The following CDH12 variants were observed in gnomAD, a reference collection of about 807,000 sequenced individuals.
The protein encoded by CDH12 is cadherin 12.
A neutral mutation model predicts 74.1 loss-of-function variants in CDH12; 41 were observed. The ratio of observed to expected loss-of-function variants is 0.55; its 90% confidence interval spans 0.43 to 0.72. The LOEUF is 0.72. Among genes scored for constraint, CDH12 ranks in the 30% least tolerant of loss-of-function variants. The probability of loss-of-function intolerance (pLI) is 0.00; values close to 1 mark genes in which losing one functional copy is unlikely to be tolerated. For synonymous variants in CDH12, 399 were observed against 355.0 expected, an observed-to-expected ratio of 1.12 and a Z score of -1.39; for missense variants, 945 against 977.2, an observed-to-expected ratio of 0.97 and a Z score of 0.44.
intron 5 of CDH12, among the ~76,000 whole-genome samples, chr5:22,056,946 C>A (rs991510458): frequency 1.3e-5 from 2 of 152,136 alleles, no homozygotes; most frequent in African/African-American, 4.8e-5. Context: ...CAACCAACAT[C>A]TCCCCTAAGA....
intron 3 of CDH12, among the ~76,000 whole-genome samples, chr5:22,344,777 C>A (rs1156398298): frequency 2.6e-5 from 4 of 152,146 alleles, no homozygotes; most frequent in Admixed American, 6.5e-5. Flanking sequence ...TGTACAGATG[C>A]ATCATCAACA....
chr5:22,009,565 C>T (rs1488746414), intron 5 of CDH12, among the ~76,000 whole-genome samples: 1 of 152,174 alleles, frequency 6.6e-6, no homozygotes, highest in Admixed American at 6.5e-5. Context: ...AGGAATGTTA[C>T]TTGTTGATTC....
At chr5:21,914,260 C>T (rs1753990353) in intron 6 of CDH12, among the ~76,000 whole-genome samples, 6 of 152,064 alleles carry the variant, frequency 3.9e-5, no homozygotes, top group Admixed American at 1.3e-4. Flanking sequence ...CTTCTACATG[C>T]AAAGCACTGT....
intron 5 of CDH12, among the ~76,000 whole-genome samples, chr5:22,049,052 C>T (rs1348587473): frequency 6.6e-6 from 1 of 152,044 alleles, no homozygotes; most frequent in Non-Finnish European, 1.5e-5. Context: ...CCTGAATCAT[C>T]TCTAGAGCGA....
At chr5:22,256,333 G>A (rs1280252021) in intron 3 of CDH12, among the ~76,000 whole-genome samples, 1 of 152,096 alleles carries the variant, frequency 6.6e-6, no homozygotes, top group Non-Finnish European at 1.5e-5. Flanking sequence ...ATCACCTAGT[G>A]ACACTGTAGC....
At chr5:22,455,673 T>C (rs1463813648) in intron 2 of CDH12, among the ~76,000 whole-genome samples, 1 of 152,136 alleles carries the variant, frequency 6.6e-6, no homozygotes, top group Admixed American at 6.5e-5. Context: ...AGCACATAGA[T>C]AGCACTTACA....
rs147579584 is a variant in CDH12 at position 22,192,422 on chromosome 5, G to A, written c.-187+20076C>T. On this transcript the variant is annotated intron_variant, in intron 4 of 14. Transcript: ENST00000382254. ...GGCTGGTGGCTGGAAATGAGAGAGC[G>A]TTTTCTGGTGAATGTAATGTCAGGT... Among the ~76,000 whole-genome samples the A allele has an allele frequency of 4.7e-3, 715 of 152,262 alleles. 21 individuals are homozygous for A. In the East Asian group the frequency reaches 0.058, roughly 12 times the overall value.
intron 1 of CDH12, among the ~76,000 whole-genome samples, chr5:22,560,395 T>C (rs1257136083): frequency 1.3e-5 from 2 of 152,136 alleles, no homozygotes; most frequent in African/African-American, 4.8e-5. Flanking sequence ...ATGAGAGTTT[T>C]TAGGCATTCA....
In CDH12 at chr5:22,643,747, TTTTTTTTTTTTTTC is replaced by T. The variant is rs1446179107; in HGVS notation, c.-522-138397_-522-138384del. On this transcript the variant is annotated intron_variant, in intron 1 of 14. Coordinates refer to ENST00000382254, the MANE Select transcript of CDH12 (RefSeq NM_004061.5). ...TTTTAAGGTATCTTTTTTTTTTTTT[TTTTTTTTTTTTTTC>T]CACAAATTGATGGTTTGTGGCAGCC... is the stretch of plus-strand genomic sequence containing the variant. Among the ~76,000 whole-genome samples, 7 of 136,124 alleles carry T rather than the reference TTTTTTTTTTTTTTC, an allele frequency of 5.1e-5. 1 individual carries two copies. Among genetic ancestry groups the T allele is most frequent in the Admixed American group, 1.6e-4 (2 of 12,860 alleles). 89.3% of individuals were successfully genotyped at this position (136,124 alleles called of 152,430 possible).
At chr5:22,594,594 T>A (rs76880480) in intron 1 of CDH12, among the ~76,000 whole-genome samples, 12 of 151,906 alleles carry the variant, frequency 7.9e-5, no homozygotes, top group African/African-American at 2.9e-4. Flanking sequence ...ATTCCTGACA[T>A]AGAGTATAAG....
At chr5:21,787,020 T>G (rs1746233393) in intron 10 of CDH12, among the ~76,000 whole-genome samples, 2 of 152,178 alleles carry the variant, frequency 1.3e-5, no homozygotes, top group Non-Finnish European at 2.9e-5. Flanking sequence ...TTCTTACAGA[T>G]GAGCAAACAA....
chr5:22,689,593 T>C (rs1741977523), intron 1 of CDH12, among the ~76,000 whole-genome samples: 1 of 147,348 alleles, frequency 6.8e-6, no homozygotes, highest in African/African-American at 2.5e-5. Flanking sequence ...TATTCCTATA[T>C]ATTGCAAGAA....
chr5:22,658,916 G>T (rs1007734996), intron 1 of CDH12, among the ~76,000 whole-genome samples: 1 of 152,016 alleles, frequency 6.6e-6, no homozygotes, highest in Non-Finnish European at 1.5e-5. Context: ...CTTATAGGGG[G>T]GGATGTATTT....
chr5:22,533,589 A>C (rs965288508), intron 1 of CDH12, among the ~76,000 whole-genome samples: 1 of 152,150 alleles, frequency 6.6e-6, no homozygotes, highest in Non-Finnish European at 1.5e-5. Flanking sequence ...TAATTCATTA[A>C]AGAAACTTCA....
chr5:21,831,051 CA>C (rs1748991696), intron 8 of CDH12, among the ~76,000 whole-genome samples: 1 of 124,268 alleles, frequency 8.0e-6, no homozygotes, highest in Non-Finnish European at 1.6e-5. Flanking sequence ...AAAAAGAAAA[CA>C]AAAACAAAAA....
intron 3 of CDH12, among the ~76,000 whole-genome samples, chr5:22,239,710 G>A (rs540515935): frequency 3.6e-4 from 55 of 152,218 alleles, no homozygotes; most frequent in Admixed American, 1.4e-3. Context: ...TATTTCAGGT[G>A]GCAACAGTGA....
chr5:22,035,927 T>C (rs1739149565), intron 5 of CDH12, among the ~76,000 whole-genome samples: 1 of 152,194 alleles, frequency 6.6e-6, no homozygotes, highest in African/African-American at 2.4e-5. Context: ...TATGAGACTC[T>C]CTTTGAATCC....
At chr5:22,059,212 C>T (rs141689972) in intron 5 of CDH12, among the ~76,000 whole-genome samples, 54 of 152,054 alleles carry the variant, frequency 3.6e-4, no homozygotes, top group African/African-American at 1.2e-3. Flanking sequence ...TCAACCACTT[C>T]GTATTGTCTG....
At chr5:22,487,774 G>A (rs992027750) in intron 2 of CDH12, among the ~76,000 whole-genome samples, 1 of 152,164 alleles carries the variant, frequency 6.6e-6, no homozygotes, top group Non-Finnish European at 1.5e-5. Flanking sequence ...GTGTTTTAAT[G>A]TGCATACCCA....
Sources: allele counts gnomAD v4.1 joint callset (sites outside exome capture counted in the v4.1 genomes callset), GRCh38; gene constraint gnomAD v4.1.1; transcripts MANE v1.5; gene names NCBI Gene and HGNC (gene_info 2026-07-23, HGNC 2026-07-21).